DHRSX: variants seen among roughly 807,000 people sequenced by gnomAD.
The protein encoded by DHRSX is dehydrogenase/reductase X-linked.
A neutral mutation model predicts 34.0 loss-of-function variants in DHRSX; 31 were observed. The observed-to-expected ratio is 0.91, with a 90% CI of 0.69 to 1.23. DHRSX has a LOEUF of 1.23. Among genes scored for constraint, DHRSX ranks in the 50% most tolerant of loss-of-function variants. The pLI, the probability that DHRSX is intolerant of heterozygous loss-of-function variation, is 0.00. For synonymous variants in DHRSX, 201 were observed against 183.8 expected (o/e 1.09, Z -0.76); for missense variants, 414 against 428.1 (o/e 0.97, Z 0.29).
At chrX:2,479,019 A>C (rs1293694674) in intron 1 of DHRSX, among the ~76,000 whole-genome samples, 2 of 151,308 alleles carry the variant, frequency 1.3e-5, no homozygotes, top group African/African-American at 2.4e-5. Flanking sequence ...GTACACACTG[A>C]AGTCATTCCC....
At chrX:2,366,417 G>A (rs2042994625) in intron 3 of DHRSX, among the ~76,000 whole-genome samples, 1 of 151,378 alleles carries the variant, frequency 6.6e-6, no homozygotes, top group Admixed American at 6.6e-5. Context: ...TCCAGCCTGG[G>A]CAACAAGAGC....
At chrX:2,248,811 C>A (rs188859356) in intron 5 of DHRSX, among the ~76,000 whole-genome samples, 4 of 152,022 alleles carry the variant, frequency 2.6e-5, no homozygotes, top group Admixed American at 2.6e-4. Flanking sequence ...CCACTCAGAC[C>A]GTCAGCCTTA....
chrX:2,260,621 G>A (rs1160161173), intron 5 of DHRSX, among the ~76,000 whole-genome samples: 5 of 151,882 alleles, frequency 3.3e-5, no homozygotes, highest in East Asian at 3.9e-4. Context: ...CACCACGCCC[G>A]GCTAATTTTT....
chrX:2,298,857 T>C (rs2041976852), intron 3 of DHRSX, among the ~76,000 whole-genome samples: 1 of 151,840 alleles, frequency 6.6e-6, no homozygotes, highest in Admixed American at 6.6e-5. Flanking sequence ...TGGTGGCACA[T>C]GCCTGTAATC....
At chrX:2,308,552 C>T (rs1292674858) in intron 3 of DHRSX, among the ~76,000 whole-genome samples, 2 of 152,158 alleles carry the variant, frequency 1.3e-5, no homozygotes, top group Admixed American at 1.3e-4. Flanking sequence ...CCTATGAAGG[C>T]ATGGTTTGGA....
At chrX:2,472,121 G>T (rs2044602341) in intron 1 of DHRSX, among the ~76,000 whole-genome samples, 1 of 145,798 alleles carries the variant, frequency 6.9e-6, no homozygotes. Context: ...CTCCAGCCTG[G>T]GCAACAAAAA....
rs1489022336 is a variant in DHRSX, at chrX:2,314,330, G to A, written c.287-22727C>T. Among the ~76,000 whole-genome samples the A allele has an allele frequency of 7.2e-5, 2 of 27,748 alleles. 1 individual carries two copies. Among genetic ancestry groups the A allele is most frequent in the Non-Finnish European group, 1.7e-4 (2 of 11,840 alleles). The allele number at this position is 27,748 out of a possible 152,430, so 18.2% of individuals were successfully genotyped here. A position where few individuals can be genotyped will look rare whatever the true frequency, so the allele number is the denominator to read the frequency against. The stretch of plus-strand genomic sequence containing the variant: ...AAGGAGGGAGGCAGGGAGGGAAGGA[G>A]GGAGGGAGGGAAAGGAGGGAGGGAG... On this transcript the variant is annotated intron_variant, in intron 3 of 6. Coordinates refer to ENST00000334651, the MANE Select transcript of DHRSX (RefSeq NM_145177.3).
intron 3 of DHRSX, among the ~76,000 whole-genome samples, chrX:2,314,316 CAGGG>C (rs2042205235): frequency 1.0e-4 from 1 of 9,900 alleles, no homozygotes. Flanking sequence ...AGGAGGGAGG[CAGGG>C]AGGGAAGGAG....
intron 3 of DHRSX, among the ~76,000 whole-genome samples, chrX:2,293,249 A>C (rs2041888208): frequency 1.6e-5 from 2 of 128,466 alleles, no homozygotes; most frequent in African/African-American, 3.0e-5. Context: ...ATTGTGTTAA[A>C]GCTGTTTTTT....
chrX:2,475,373 G>A (rs1240399549), intron 1 of DHRSX, among the ~76,000 whole-genome samples: 2 of 148,228 alleles, frequency 1.3e-5, no homozygotes, highest in African/African-American at 5.1e-5. Flanking sequence ...TGTACACACT[G>A]AAGAGGTTCC....
rs193137736 is a variant in DHRSX, at chrX:2,220,221, A to G, written c.*820T>C. 0.013 allele frequency: 2,045 copies of G among 152,144 alleles called. 23 individuals are homozygous for G. The highest frequency in any genetic ancestry group is 0.022 in the Non-Finnish European group (1,521 of 68,014). 9.4% of individuals were successfully genotyped at this position (152,144 alleles called of 1,614,324 possible). On this transcript the variant is annotated 3_prime_UTR_variant, in exon 7 of 7. Transcript: ENST00000334651. ...CAGTCTCTGTCTGCATCATCACACG[A>G]ATATCTTGTCTTCTGTACTCAAATC...
intron 3 of DHRSX, among the ~76,000 whole-genome samples, chrX:2,342,730 T>A (rs2042656505): frequency 6.6e-6 from 1 of 152,120 alleles, no homozygotes; most frequent in South Asian, 2.1e-4. Context: ...AGCATCGACA[T>A]AACAAAAGCA....
intron 1 of DHRSX, among the ~76,000 whole-genome samples, chrX:2,481,623 G>A (rs1168426162): frequency 2.0e-5 from 3 of 151,976 alleles, no homozygotes; most frequent in African/African-American, 7.3e-5. Context: ...CCGAGATCGT[G>A]CCATTGCACT....
intron 3 of DHRSX, among the ~76,000 whole-genome samples, chrX:2,330,977 C>T (rs950370996): frequency 1.4e-4 from 22 of 152,108 alleles, no homozygotes; most frequent in Admixed American, 9.2e-4. Context: ...TCCAAGGAGA[C>T]AATGTTGAGC....
chrX:2,436,427 T>G (rs2043991545), intron 1 of DHRSX, among the ~76,000 whole-genome samples: 1 of 150,222 alleles, frequency 6.7e-6, no homozygotes, highest in South Asian at 2.1e-4. Context: ...GTGCAAAAGT[T>G]AATGGCAAAA....
chrX:2,272,972 T>TATC (rs2041577404), intron 4 of DHRSX, among the ~76,000 whole-genome samples: 1 of 152,202 alleles, frequency 6.6e-6, no homozygotes, highest in East Asian at 1.9e-4. Context: ...GAAGTCCTTA[T>TATC]ATCAAAAAGA....
intron 2 of DHRSX, 55 bp downstream of exon 2, chrX:2,425,142 G>GAAAAA: frequency 7.3e-6 from 9 of 1,224,854 alleles, no homozygotes; most frequent in African/African-American, 3.2e-5. Flanking sequence ...TCCTGTCTCA[G>GAAAAA]AAAAAAAAAA....
intron 4 of DHRSX, among the ~76,000 whole-genome samples, chrX:2,272,897 G>A (rs1344960768): frequency 1.3e-5 from 2 of 152,176 alleles, no homozygotes; most frequent in African/African-American, 4.8e-5. Context: ...TCCTCTCAAA[G>A]AACTAAAAGC....
intron 1 of DHRSX, among the ~76,000 whole-genome samples, chrX:2,448,236 G>A (rs1484064074): frequency 6.6e-6 from 1 of 152,036 alleles, no homozygotes; most frequent in African/African-American, 2.4e-5. Context: ...TACCTGGGAG[G>A]CTCAGGAGGG....
Sources: allele counts gnomAD v4.1 joint callset (sites outside exome capture counted in the v4.1 genomes callset), GRCh38; gene constraint gnomAD v4.1.1; transcripts MANE v1.5; gene names NCBI Gene and HGNC (gene_info 2026-07-23, HGNC 2026-07-21).